The following CBR4 variants were observed in gnomAD, a reference collection of about 807,000 sequenced individuals.
CBR4 encodes carbonyl reductase 4.
CBR4 carries 22 observed loss-of-function variants against 21.0 expected under a neutral mutation model. The observed-to-expected ratio is 1.05, with a 90% CI of 0.75 to 1.50. CBR4 has a LOEUF of 1.50. CBR4 is among the 40% of genes most tolerant of loss of function. The pLI is 0.00. For synonymous variants in CBR4, 100 were observed against 104.4 expected, an observed-to-expected ratio of 0.96 and a Z score of 0.26; for missense variants, 302 against 286.3, an observed-to-expected ratio of 1.05 and a Z score of -0.40.
At chr4:168,928,964 C>T (rs1429756766) in intron 2 of CBR4, among the ~76,000 whole-genome samples, 1 of 151,944 alleles carries the variant, frequency 6.6e-6, no homozygotes, top group Non-Finnish European at 1.5e-5. Flanking sequence ...AGCTAAATCG[C>T]CATTTGATTG....
rs764577140 is a variant in CBR4 at position 169,007,606 on chromosome 4, A to T, written c.263+30T>A. The T allele has an allele frequency of 7.2e-6, 10 of 1,395,470 alleles. No homozygotes were observed. The East Asian group carries it at 2.4e-4, about 34-fold the overall frequency. The allele number at this position is 1,395,470 out of a possible 1,614,324, so 86.4% of individuals were successfully genotyped here. A position where few individuals can be genotyped will look rare whatever the true frequency, so the allele number is the denominator to read the frequency against. On this transcript the variant is annotated intron_variant, in intron 2 of 4. Transcript: ENST00000306193. ...AGGAATAAAAGTTTTAAATATATAT[A>T]TAAGAAACTTATTTAAATCTGTGAC...
chr4:168,903,995 T>A, intron 2 of CBR4: 1 of 1,272,136 alleles, frequency 7.9e-7, no homozygotes, highest in Non-Finnish European at 1.1e-6. Context: ...AAGGTGAAGT[T>A]AAGAAGTTTC....
At chr4:168,949,721 A>G (rs906999976) in intron 2 of CBR4, among the ~76,000 whole-genome samples, 1 of 152,174 alleles carries the variant, frequency 6.6e-6, no homozygotes, top group Admixed American at 6.5e-5. Flanking sequence ...TGTCTGGTAG[A>G]ATTCTGCTGT....
In CBR4 at chr4:168,987,664, TACACATATTCC is replaced by T. The variant is rs1764734826; in HGVS notation, c.*2475_*2485del. On this transcript the variant is annotated 3_prime_UTR_variant, in exon 5 of 5. Coordinates refer to ENST00000306193, the MANE Select transcript of CBR4 (RefSeq NM_032783.5). ...GGACAGTGGTTATGATTTCTCAATT[TACACATATTCC>T]TTTTGAAAATCTTAGAAAAAATGTT... 2.1e-6 allele frequency: 2 copies of T among 974,176 alleles called. No individual in the cohort carries two copies. Among genetic ancestry groups the T allele is most frequent in the South Asian group, 4.7e-5 (1 of 21,060 alleles). 60.3% of individuals were successfully genotyped at this position (974,176 alleles called of 1,614,324 possible).
chr4:168,949,478 C>T (rs935078173), intron 2 of CBR4, among the ~76,000 whole-genome samples: 9 of 152,252 alleles, frequency 5.9e-5, no homozygotes, highest in South Asian at 2.1e-4. Flanking sequence ...CTTTTCCCTA[C>T]TCAGTATTAT....
At chr4:168,937,717 C>G (rs28875018) in intron 2 of CBR4, among the ~76,000 whole-genome samples, 2,633 of 150,572 alleles carry the variant, frequency 0.017, 57 homozygotes, top group African/African-American at 0.045. Flanking sequence ...AGACAAAGAA[C>G]GGCATTACAT....
In CBR4 at chr4:168,956,597, CAAAAAAAAAAAAAAAA is replaced by C. The variant is rs59962690; in HGVS notation, n.169+45458_169+45473del. Among the ~76,000 whole-genome samples the C allele has an allele frequency of 1.7e-4, 5 of 29,674 alleles. No homozygotes were observed. The South Asian group carries it at 7.0e-3, about 41-fold the overall frequency. 19.5% of individuals were successfully genotyped at this position (29,674 alleles called of 152,430 possible). On this transcript the variant is annotated intron_variant and non_coding_transcript_variant, in intron 2 of 3. Coordinates refer to the CBR4 transcript ENST00000509108. Reference sequence around the variant, plus strand: ...TGGGCGACACAGCCAGACCCTGTCTCAAAAAAAAAAAAAAAAAAAAAAAAAAAAAACAGAATGGAAA... The same window carrying C: ...TGGGCGACACAGCCAGACCCTGTCTCAAAAAAAAAAAAAACAGAATGGAAA...
rs758408204 is a variant in CBR4, at chr4:168,924,330, G to A, written n.170-29565C>T. 36 of 1,613,754 alleles carry A rather than the reference G, an allele frequency of 2.2e-5. No homozygotes were observed. Among genetic ancestry groups the A allele is most frequent in the South Asian group, 5.5e-5 (5 of 91,078 alleles). ...GGAGTTGCTGATGGGTACCCAGTGC[G>A]GCTGGAATGTCGTGTATTGGGAGTG... On this transcript the variant is annotated intron_variant and non_coding_transcript_variant, in intron 2 of 3. Transcript: ENST00000509108.
At chr4:168,950,960 A>G (rs1334408326) in intron 2 of CBR4, among the ~76,000 whole-genome samples, 1 of 151,984 alleles carries the variant, frequency 6.6e-6, no homozygotes, top group East Asian at 1.9e-4. Context: ...CCCCCGCTTT[A>G]CTTTAAGTTT....
intron 2 of CBR4, chr4:168,926,973 T>TAACA (rs1467725195): frequency 4.6e-6 from 1 of 219,764 alleles, no homozygotes; most frequent in Non-Finnish European, 9.1e-6. Flanking sequence ...AAGAGTTTTC[T>TAACA]AACAAGGTTA....
At chr4:168,968,989 C>T (rs776341580) in intron 2 of CBR4, among the ~76,000 whole-genome samples, 3 of 152,096 alleles carry the variant, frequency 2.0e-5, no homozygotes, top group East Asian at 1.9e-4. Flanking sequence ...CACAGTGGAC[C>T]GAAGTGTAAA....
At chr4:168,929,464 CATT>C (rs1224392405) in intron 2 of CBR4, among the ~76,000 whole-genome samples, 5 of 152,144 alleles carry the variant, frequency 3.3e-5, no homozygotes, top group Non-Finnish European at 7.4e-5. Context: ...TTACAAGATT[CATT>C]ATATATTTTA....
At chr4:168,951,989 A>G (rs948560862) in intron 2 of CBR4, among the ~76,000 whole-genome samples, 1 of 152,170 alleles carries the variant, frequency 6.6e-6, no homozygotes, top group East Asian at 1.9e-4. Context: ...AGTTTTCCTC[A>G]ATTATTCCCC....
At chr4:168,913,741 A>G (rs1282546008) in intron 2 of CBR4, among the ~76,000 whole-genome samples, 1 of 152,150 alleles carries the variant, frequency 6.6e-6, no homozygotes, top group Non-Finnish European at 1.5e-5. Context: ...TCAAGTAAAA[A>G]TAGTTTTACT....
intron 1 of CBR4, 103 bp from the exon 2 acceptor site, chr4:169,007,859 C>A (rs946152027): frequency 1.9e-5 from 14 of 748,570 alleles, no homozygotes; most frequent in African/African-American, 3.7e-5. Flanking sequence ...CTGTGCTAAT[C>A]TAGAACCTAA....
chr4:169,004,023 C>A (rs1346251728), intron 3 of CBR4, among the ~76,000 whole-genome samples: 1 of 151,994 alleles, frequency 6.6e-6, no homozygotes, highest in Non-Finnish European at 1.5e-5. Context: ...TGCAGCACAC[C>A]AGCATGGCAC....
At chr4:168,982,907 A>T (rs1764583392), downstream of CBR4, among the ~76,000 whole-genome samples, 1 of 152,202 alleles carries the variant, frequency 6.6e-6, no homozygotes. Flanking sequence ...TCTCTGGGAC[A>T]CAGCTAAAGT....
At chr4:168,907,363 T>C (rs1758019343) in intron 2 of CBR4, among the ~76,000 whole-genome samples, 2 of 152,268 alleles carry the variant, frequency 1.3e-5, no homozygotes, top group East Asian at 1.9e-4. Flanking sequence ...GCAAGTCAAT[T>C]TGGGATGGAA....
chr4:168,997,274 T>G (rs564552321), intron 4 of CBR4, among the ~76,000 whole-genome samples: 1 of 152,302 alleles, frequency 6.6e-6, no homozygotes, highest in East Asian at 1.9e-4. Context: ...ATAACTGAAA[T>G]GACAAGCATT....
Sources: allele counts gnomAD v4.1 joint callset (sites outside exome capture counted in the v4.1 genomes callset), GRCh38; gene constraint gnomAD v4.1.1; transcripts MANE v1.5; gene names NCBI Gene and HGNC (gene_info 2026-07-23, HGNC 2026-07-21).